Variants in OPN5 observed in about 807,000 individuals in gnomAD.
OPN5 encodes opsin 5, also known as opsin-5.
In OPN5, 18 loss-of-function variants were observed where a neutral mutation model predicts 41.7. The observed-to-expected ratio is 0.43, with a 90% confidence interval of 0.30 to 0.64. The LOEUF is 0.64. Among genes scored for constraint, OPN5 ranks in the 30% least tolerant of loss-of-function variants. OPN5 has a pLI of 0.13. For missense variants in OPN5, 318 were observed against 434.5 expected, an observed-to-expected ratio of 0.73 and a Z score of 2.38; for synonymous variants, 178 against 164.3, an observed-to-expected ratio of 1.08 and a Z score of -0.64.
chr6:47,797,832 A>G (rs1172560035), intron 4 of OPN5, among the ~76,000 whole-genome samples: 1 of 152,034 alleles, frequency 6.6e-6, no homozygotes, highest in African/African-American at 2.4e-5. Flanking sequence ...GTTACCCATC[A>G]TCTTCTCTCC....
chr6:47,792,291 A>C (rs1334501033), intron 3 of OPN5, among the ~76,000 whole-genome samples: 1 of 152,240 alleles, frequency 6.6e-6, no homozygotes, highest in Non-Finnish European at 1.5e-5. Flanking sequence ...GTGCATCGAA[A>C]GGGTGTTAAG....
intron 6 of OPN5, among the ~76,000 whole-genome samples, chr6:47,814,618 A>G (rs941369757): frequency 2.0e-5 from 3 of 152,076 alleles, no homozygotes; most frequent in African/African-American, 7.2e-5. Context: ...GAGGAAGAAA[A>G]AACAAGGAGT....
intron 4 of OPN5, among the ~76,000 whole-genome samples, chr6:47,797,156 G>T (rs1218851374): frequency 1.3e-5 from 2 of 152,162 alleles, no homozygotes; most frequent in Non-Finnish European, 2.9e-5. Context: ...TCTGGGTGGG[G>T]GGACAGCCAA....
At chr6:47,782,641 A>G (rs1310296434) in intron 1 of OPN5, among the ~76,000 whole-genome samples, 1 of 152,192 alleles carries the variant, frequency 6.6e-6, no homozygotes, top group Non-Finnish European at 1.5e-5. Flanking sequence ...CAATTGTGCT[A>G]TTGTGCTATA....
At chr6:47,818,014 A>C (rs1328610174) in intron 6 of OPN5, among the ~76,000 whole-genome samples, 1 of 152,176 alleles carries the variant, frequency 6.6e-6, no homozygotes, top group African/African-American at 2.4e-5. Flanking sequence ...ATTTCTTCGC[A>C]TACAGCTATA....
chr6:47,787,207 T>C, intron 2 of OPN5: 3 of 973,538 alleles, frequency 3.1e-6, no homozygotes, highest in Non-Finnish European at 3.7e-6. Context: ...TCACAAAATA[T>C]CATCTGGGGA....
chr6:47,823,394 G>A (rs186220590), intron 6 of OPN5: 1 of 152,772 alleles, frequency 6.5e-6, no homozygotes, highest in African/African-American at 2.4e-5. Flanking sequence ...GAGAAGATAC[G>A]TACCTGGCAG....
At chr6:47,825,140 A>G (rs1762755008), downstream of OPN5, 1 of 152,202 alleles carries the variant, frequency 6.6e-6, no homozygotes, top group Non-Finnish European at 1.5e-5. Flanking sequence ...GGAAATGCCT[A>G]ATGCATAAAC....
At chr6:47,808,626 C>A (rs1774069919) in intron 5 of OPN5, among the ~76,000 whole-genome samples, 1 of 152,160 alleles carries the variant, frequency 6.6e-6, no homozygotes, top group Non-Finnish European at 1.5e-5. Context: ...GATCGTGGAG[C>A]AACTAAGATA....
At position 47,786,037 on chromosome 6, in the gene OPN5, T is replaced by C. The variant is rs142181908; in HGVS notation, c.131-478T>C. 5.8e-4 allele frequency among the ~76,000 whole-genome samples: 88 copies of C among 152,360 alleles called. No homozygotes were observed. The East Asian group carries it at 0.015, about 26-fold the overall frequency. On this transcript the variant is annotated intron_variant, in intron 1 of 6. Transcript: ENST00000371211. ...AGTTATGCCAGTCATACCTGGCCTC[T>C]GCCTCTCCTGAACACTGGTGCTCCC...
chr6:47,806,644 C>T (rs924306696), intron 4 of OPN5, among the ~76,000 whole-genome samples: 1 of 152,190 alleles, frequency 6.6e-6, no homozygotes, highest in Non-Finnish European at 1.5e-5. Context: ...CAAAAACCTA[C>T]TAGTGTCTCA....
At chr6:47,788,288 G>A (rs1773256298) in intron 2 of OPN5, among the ~76,000 whole-genome samples, 1 of 152,212 alleles carries the variant, frequency 6.6e-6, no homozygotes, top group Non-Finnish European at 1.5e-5. Context: ...GGCCCCTAAG[G>A]TGCTCTACCT....
intron 6 of OPN5, among the ~76,000 whole-genome samples, chr6:47,822,715 G>A (rs947642678): frequency 6.6e-6 from 1 of 152,212 alleles, no homozygotes; most frequent in African/African-American, 2.4e-5. Flanking sequence ...CCATGATGGA[G>A]TCTGTTCTGT....
intron 6 of OPN5, among the ~76,000 whole-genome samples, chr6:47,817,321 C>T (rs961177941): frequency 6.6e-6 from 1 of 152,202 alleles, no homozygotes; most frequent in South Asian, 2.1e-4. Flanking sequence ...TTCTGGAATA[C>T]AGGCAGAAAC....
At chr6:47,798,204 TTAAAA>T (rs1374672131) in intron 4 of OPN5, among the ~76,000 whole-genome samples, 1 of 152,098 alleles carries the variant, frequency 6.6e-6, no homozygotes. Flanking sequence ...TAAACCTGTA[TTAAAA>T]TAACCTAAAT....
In OPN5 at chr6:47,811,880, G is replaced by A. The variant is rs893218328; in HGVS notation, c.1056+149G>A. The A allele has an allele frequency of 1.5e-5, 7 of 481,340 alleles. No homozygotes were observed. In the Admixed American group the frequency reaches 2.1e-4, roughly 15 times the overall value. The allele number at this position is 481,340 out of a possible 1,614,324, so 29.8% of individuals were successfully genotyped here. A position where few individuals can be genotyped will look rare whatever the true frequency, so the allele number is the denominator to read the frequency against. Reference sequence around the variant, plus strand: ...TTTTCCTCAAGCCAGGGGTTGCTGGGAAATTCCAATGGCTAAATGGAAACT... The same window carrying A: ...TTTTCCTCAAGCCAGGGGTTGCTGGAAAATTCCAATGGCTAAATGGAAACT... On this transcript the variant is annotated intron_variant, in intron 6 of 6. Transcript: ENST00000371211.
At chr6:47,822,687 A>C (rs1762665814) in intron 6 of OPN5, among the ~76,000 whole-genome samples, 1 of 152,226 alleles carries the variant, frequency 6.6e-6, no homozygotes. Flanking sequence ...GGAGCCTGGC[A>C]AGAAGGGCAG....
chr6:47,804,709 G>A (rs1447188566), intron 4 of OPN5, among the ~76,000 whole-genome samples: 5 of 152,068 alleles, frequency 3.3e-5, no homozygotes, highest in Non-Finnish European at 7.4e-5. Flanking sequence ...CCCTCTTTCT[G>A]CTTTAAACTC....
Position 47,818,039 on chromosome 6 carries a change from T to C in OPN5, c.1057-5944T>C, listed in dbSNP as rs1423099776. Among the ~76,000 whole-genome samples the C allele has an allele frequency of 2.0e-5, 3 of 152,152 alleles. No homozygotes were observed. The East Asian group carries it at 5.8e-4, about 29-fold the overall frequency. ...ATACAGCTATATTAGGATTGACTAC[T>C]TAGAGCTAATTTGTTCAGAAAGAAG... is the stretch of plus-strand genomic sequence containing the variant. On this transcript the variant is annotated intron_variant, in intron 6 of 6. Coordinates refer to ENST00000371211, the Ensembl canonical transcript of OPN5.
Sources: gnomAD v4.1 joint callset for allele counts (sites outside exome capture counted in the v4.1 genomes callset) on GRCh38, gnomAD v4.1.1 for gene constraint, MANE v1.5 for transcripts, NCBI Gene and HGNC (gene_info 2026-07-23, HGNC 2026-07-21) for gene names.